The following PLD5 variants were observed in gnomAD, a reference collection of about 807,000 sequenced individuals.
The protein encoded by PLD5 is phospholipase D family member 5, also known as inactive phospholipase D5.
PLD5 carries 36 observed loss-of-function variants against 61.1 expected under a neutral mutation model. The ratio of observed to expected loss-of-function variants is 0.59; its 90% confidence interval spans 0.45 to 0.78. The LOEUF (loss-of-function observed/expected upper bound fraction) is 0.78. Ranked by LOEUF, PLD5 falls within the 30% of genes least tolerant of loss-of-function variation. PLD5 has a pLI of 0.00. For synonymous variants in PLD5, 243 were observed against 242.8 expected, an observed-to-expected ratio of 1.00 and a Z score of -0.01; for missense variants, 515 against 644.4, an observed-to-expected ratio of 0.80 and a Z score of 2.17.
chr1:242,345,291 G>A (rs1328475053), intron 2 of PLD5, among the ~76,000 whole-genome samples: 3 of 152,262 alleles, frequency 2.0e-5, no homozygotes, highest in East Asian at 3.9e-4. Flanking sequence ...CTTACAGTTA[G>A]TAAGTAGTAG....
intron 2 of PLD5, among the ~76,000 whole-genome samples, chr1:242,326,809 T>G (rs572367305): frequency 1.3e-5 from 2 of 152,040 alleles, no homozygotes; most frequent in South Asian, 2.1e-4. Flanking sequence ...CTAGCTCAAG[T>G]GATCCTCCCA....
chr1:242,215,043 ATTTTTTTTTT>A (rs34759131), intron 5 of PLD5, among the ~76,000 whole-genome samples: 1 of 120,616 alleles, frequency 8.3e-6, no homozygotes, highest in Non-Finnish European at 1.7e-5. Flanking sequence ...TGCCTGGCCA[ATTTTTTTTTT>A]TTTTTTTTGT....
chr1:242,283,367 T>G (rs528955506), intron 3 of PLD5, among the ~76,000 whole-genome samples: 121 of 152,342 alleles, frequency 7.9e-4, no homozygotes, highest in Non-Finnish European at 1.5e-3. Flanking sequence ...TGCCTACCAC[T>G]GGCTACGTGG....
chr1:242,393,510 GTATATA>G (rs200457269), intron 1 of PLD5, among the ~76,000 whole-genome samples: 2 of 68,618 alleles, frequency 2.9e-5, no homozygotes, highest in Non-Finnish European at 5.0e-5. Context: ...GTATATATGA[GTATATA>G]TATATGTGTA....
At chr1:242,403,285 G>C (rs1042503159) in intron 1 of PLD5, among the ~76,000 whole-genome samples, 5 of 152,102 alleles carry the variant, frequency 3.3e-5, no homozygotes, top group Non-Finnish European at 7.3e-5. Flanking sequence ...CATGAACTTT[G>C]ACTTCCTCTC....
At chr1:242,122,416 A>G (rs1404788892) in intron 6 of PLD5, among the ~76,000 whole-genome samples, 1 of 152,172 alleles carries the variant, frequency 6.6e-6, no homozygotes, top group Non-Finnish European at 1.5e-5. Flanking sequence ...TCATTAATTC[A>G]TCTATTTTTT....
chr1:242,186,512 G>GTTTCT (rs1287105885), intron 5 of PLD5, among the ~76,000 whole-genome samples: 2 of 151,842 alleles, frequency 1.3e-5, no homozygotes, highest in African/African-American at 4.8e-5. Context: ...TTTTTTTAAA[G>GTTTCT]TTTCTTTAAA....
At chr1:242,111,554 A>G (rs1248836714) in intron 7 of PLD5, among the ~76,000 whole-genome samples, 1 of 152,104 alleles carries the variant, frequency 6.6e-6, no homozygotes, top group Non-Finnish European at 1.5e-5. Flanking sequence ...TTGGCAATGT[A>G]TAGACTAAAA....
At chr1:242,122,771 AT>A in intron 6 of PLD5, among the ~76,000 whole-genome samples, 1 of 152,296 alleles carries the variant, frequency 6.6e-6, no homozygotes, top group African/African-American at 2.4e-5. Flanking sequence ...TGAATTTGTT[AT>A]TTAAGACAAC....
intron 2 of PLD5, among the ~76,000 whole-genome samples, chr1:242,327,574 T>C (rs991310746): frequency 7.9e-5 from 12 of 152,178 alleles, no homozygotes; most frequent in African/African-American, 1.7e-4. Flanking sequence ...ATTTCAAATA[T>C]GCTGACTCCT....
Position 242,089,247 on chromosome 1 carries a change from A to C in PLD5, c.*607T>G. ...GAGGTGAATACAGAAAATGCTATAT[A>C]ATAGGAACATTTTGTGAGAAGAGAA... On this transcript the variant is annotated 3_prime_UTR_variant, in exon 10 of 10. Coordinates refer to ENST00000536534, the MANE Select transcript of PLD5 (RefSeq NM_001372062.1). 1 of 398,870 alleles carries C rather than the reference A, an allele frequency of 2.5e-6. No homozygotes were observed. The allele number at this position is 398,870 out of a possible 1,614,324, so 24.7% of individuals were successfully genotyped here. A position where few individuals can be genotyped will look rare whatever the true frequency, so the allele number is the denominator to read the frequency against.
At chr1:242,214,294 T>A (rs1480091617) in intron 5 of PLD5, among the ~76,000 whole-genome samples, 1 of 152,214 alleles carries the variant, frequency 6.6e-6, no homozygotes, top group African/African-American at 2.4e-5. Context: ...GGGGCACTGA[T>A]ACTGGCTGTG....
intron 1 of PLD5, among the ~76,000 whole-genome samples, chr1:242,355,731 T>C (rs1299912397): frequency 1.2e-4 from 18 of 152,218 alleles, no homozygotes; most frequent in African/African-American, 3.9e-4. Flanking sequence ...TAGGCACTTA[T>C]TGCTACAGAC....
At chr1:242,297,343 C>CAAAA (rs34723393) in intron 2 of PLD5, among the ~76,000 whole-genome samples, 32 of 63,118 alleles carry the variant, frequency 5.1e-4, no homozygotes, top group African/African-American at 2.0e-3. Flanking sequence ...GACTCCTTCT[C>CAAAA]AAAAAAAAAA....
intron 2 of PLD5, among the ~76,000 whole-genome samples, chr1:242,345,344 G>T (rs1660070208): frequency 6.6e-6 from 1 of 152,190 alleles, no homozygotes. Flanking sequence ...CAAAGTCCGT[G>T]GTTGTTAACT....
chr1:242,388,394 C>T (rs895023179), intron 1 of PLD5, among the ~76,000 whole-genome samples: 2 of 152,112 alleles, frequency 1.3e-5, no homozygotes, highest in African/African-American at 2.4e-5. Flanking sequence ...CCTCAGAAGA[C>T]GCTTCAGTCA....
At chr1:242,397,188 T>A (rs996722934) in intron 1 of PLD5, among the ~76,000 whole-genome samples, 3 of 152,100 alleles carry the variant, frequency 2.0e-5, no homozygotes, top group Non-Finnish European at 2.9e-5. Flanking sequence ...ATAGACCTCG[T>A]TGGACCCTTC....
At chr1:242,524,004 C>G in intron 1 of PLD5, 84 bp downstream of exon 1, 2 of 1,402,380 alleles carry the variant, frequency 1.4e-6, no homozygotes, top group Non-Finnish European at 1.9e-6. Flanking sequence ...CCCCCCGCGC[C>G]CCGCGCGCGC....
rs541075517 is a variant in PLD5 at position 242,350,465 on chromosome 1, A to G, written c.190-2223T>C. 2.1e-5 allele frequency among the ~76,000 whole-genome samples: 3 copies of G among 140,294 alleles called. No individual in the cohort carries two copies. In the South Asian group the frequency reaches 7.1e-4, roughly 33 times the overall value. 92.0% of individuals were successfully genotyped at this position (140,294 alleles called of 152,430 possible). ...CACACACACACACACACACACACAC[A>G]CACACACACACAGTTCAGAGCCTTT... On this transcript the variant is annotated intron_variant, in intron 1 of 9. Transcript: ENST00000536534.
Sources: gnomAD v4.1 joint callset for allele counts (sites outside exome capture counted in the v4.1 genomes callset) on GRCh38, gnomAD v4.1.1 for gene constraint, MANE v1.5 for transcripts, NCBI Gene and HGNC (gene_info 2026-07-23, HGNC 2026-07-21) for gene names.